The following ZNF407 variants were observed in gnomAD, a reference collection of about 807,000 sequenced individuals.
ZNF407 encodes zinc finger protein 407.
A neutral mutation model predicts 131.2 loss-of-function variants in ZNF407; 17 were observed. The observed-to-expected ratio is 0.13, with a 90% CI of 0.09 to 0.19. The LOEUF (loss-of-function observed/expected upper bound fraction) is 0.19. Ranked by LOEUF, ZNF407 falls within the 10% of genes least tolerant of loss-of-function variation. The pLI, the probability that ZNF407 is intolerant of heterozygous loss-of-function variation, is 1.00. For missense variants in ZNF407, 2,681 were observed against 2,830.6 expected, an observed-to-expected ratio of 0.95 and a Z score of 1.20; for synonymous variants, 1,156 against 1,062.0, an observed-to-expected ratio of 1.09 and a Z score of -1.72.
rs948310174 is a variant in ZNF407, at chr18:74,632,654, C to T, written c.1635C>T (p.Ile545=). The T allele has an allele frequency of 6.8e-6, 11 of 1,613,924 alleles. No individual in the cohort carries two copies. In the South Asian group the frequency reaches 1.2e-4, roughly 18 times the overall value. ...QVATNRTDLE[I]HVKRCHAREM... ...CTACAAATAGGACAGATTTGGAAAT[C>T]CATGTGAAAAGGTGCCATGCCAGAG... The change falls in exon 2 of 9, where the codon ATC becomes ATT. Residue 545 remains isoleucine, a synonymous_variant. Coordinates refer to ENST00000299687, the MANE Select transcript of ZNF407 (RefSeq NM_017757.3).
At chr18:74,911,625 C>T (rs573304489) in intron 7 of ZNF407, among the ~76,000 whole-genome samples, 6 of 152,166 alleles carry the variant, frequency 3.9e-5, no homozygotes, top group Non-Finnish European at 5.9e-5. Context: ...AATTGGCCAC[C>T]GCACTCAATT....
chr18:74,883,833 A>T (rs529197503), intron 6 of ZNF407, among the ~76,000 whole-genome samples: 1 of 152,250 alleles, frequency 6.6e-6, no homozygotes, highest in African/African-American at 2.4e-5. Flanking sequence ...ATTTGAGCCA[A>T]GATTACTGCT....
intron 7 of ZNF407, 39 bp downstream of exon 7, chr18:74,890,077 G>A (rs766153390): frequency 5.5e-6 from 8 of 1,447,194 alleles, no homozygotes; most frequent in South Asian, 3.2e-5. Flanking sequence ...CAGGTGGGCC[G>A]CCATGATGGA....
intron 8 of ZNF407, among the ~76,000 whole-genome samples, chr18:75,047,399 G>C (rs998688135): frequency 1.3e-5 from 2 of 152,198 alleles, no homozygotes; most frequent in African/African-American, 4.8e-5. Flanking sequence ...AGCACCCAGA[G>C]CCAGGGACCC....
rs1471751772 is a variant in ZNF407, at chr18:75,063,089, G to A, written c.5429-61G>A. ...GCCTGAGCGCTTCTGCAGAAGAAGT[G>A]TCTTACTTGTAAGCCTACGAGTACT... On this transcript the variant is annotated intron_variant, in intron 8 of 8. Transcript: ENST00000299687. This position sits in a 1 kb window ranked among gnomAD's most constrained non-coding sequence, Gnocchi z 6.6. 15 of 1,451,704 alleles carry A rather than the reference G, an allele frequency of 1.0e-5. No homozygotes were observed. The highest frequency in any genetic ancestry group is 2.2e-5 in the Admixed American group (1 of 44,708). The allele number at this position is 1,451,704 out of a possible 1,614,324, so 89.9% of individuals were successfully genotyped here.
chr18:74,777,206 T>C (rs530531710), intron 3 of ZNF407, among the ~76,000 whole-genome samples: 2 of 152,298 alleles, frequency 1.3e-5, no homozygotes, highest in Admixed American at 6.5e-5. Context: ...TATTTTGAAA[T>C]ATTGTTAAAA....
intron 3 of ZNF407, among the ~76,000 whole-genome samples, chr18:74,767,754 T>C (rs1230039742): frequency 1.3e-5 from 2 of 148,360 alleles, no homozygotes; most frequent in Non-Finnish European, 3.0e-5. Context: ...CCCGGGTTCA[T>C]GCCATTCTCC....
At chr18:74,882,220 T>C (rs1376479838) in intron 6 of ZNF407, among the ~76,000 whole-genome samples, 1 of 152,230 alleles carries the variant, frequency 6.6e-6, no homozygotes, top group African/African-American at 2.4e-5. Flanking sequence ...GTCTTATGAG[T>C]AATTATTTTC....
chr18:74,833,653 C>G (rs769404613), intron 4 of ZNF407, among the ~76,000 whole-genome samples: 5 of 152,176 alleles, frequency 3.3e-5, no homozygotes, highest in African/African-American at 1.2e-4. Context: ...TCCTGTTGCC[C>G]TTGGCACGGG....
intron 3 of ZNF407, among the ~76,000 whole-genome samples, chr18:74,710,095 T>A (rs1568177342): frequency 1.3e-5 from 2 of 152,230 alleles, no homozygotes; most frequent in African/African-American, 2.4e-5. Flanking sequence ...TTTTAGTGCT[T>A]TGGCATTTCA....
intron 8 of ZNF407, among the ~76,000 whole-genome samples, chr18:75,027,421 T>C (rs925348797): frequency 1.3e-5 from 2 of 152,162 alleles, no homozygotes; most frequent in East Asian, 1.9e-4. Flanking sequence ...TTAGGAGATA[T>C]TGGCTGCGAT....
At chr18:75,023,845 C>T (rs971248309) in intron 8 of ZNF407, among the ~76,000 whole-genome samples, 1 of 152,174 alleles carries the variant, frequency 6.6e-6, no homozygotes, top group African/African-American at 2.4e-5. Flanking sequence ...TCATGTACTA[C>T]TGTTGTAGTT....
At chr18:74,615,606 CA>C (rs1983251954) in intron 1 of ZNF407, among the ~76,000 whole-genome samples, 2 of 152,166 alleles carry the variant, frequency 1.3e-5, no homozygotes, top group African/African-American at 4.8e-5. Flanking sequence ...GCACTGTATC[CA>C]AATCTAAAAG....
intron 3 of ZNF407, among the ~76,000 whole-genome samples, chr18:74,723,559 T>G (rs899394332): frequency 6.6e-6 from 1 of 152,238 alleles, no homozygotes; most frequent in African/African-American, 2.4e-5. Flanking sequence ...TCTCTCTTCC[T>G]TGTTCCTACA....
intron 8 of ZNF407, among the ~76,000 whole-genome samples, chr18:74,962,667 A>G (rs1286268364): frequency 6.6e-6 from 1 of 152,168 alleles, no homozygotes; most frequent in Non-Finnish European, 1.5e-5. Flanking sequence ...GCCTTTGCAC[A>G]CATACAGCAC....
intron 4 of ZNF407, among the ~76,000 whole-genome samples, chr18:74,839,751 G>T (rs1244579117): frequency 2.0e-5 from 3 of 152,116 alleles, no homozygotes; most frequent in Non-Finnish European, 2.9e-5. Context: ...TAAAAACTAT[G>T]TGTGTATGTA....
rs542215945 is a variant in ZNF407, at chr18:74,972,913, T to TA, written c.5428+52223dup. On this transcript the variant is annotated intron_variant, in intron 8 of 8. Coordinates refer to ENST00000299687, the MANE Select transcript of ZNF407 (RefSeq NM_017757.3). ...AATCCTCTTTAACAATCTCTGTTAT[T>TA]AAGTTGGTATGTTTAACCACCTGCC... Among the ~76,000 whole-genome samples the TA allele has an allele frequency of 9.7e-3, 1,475 of 152,352 alleles. 10 individuals are homozygous for TA. Among genetic ancestry groups the TA allele is most frequent in the Non-Finnish European group, 0.015 (1,049 of 68,030 alleles).
intron 2 of ZNF407, among the ~76,000 whole-genome samples, chr18:74,638,205 T>C (rs563179875): frequency 6.6e-6 from 1 of 152,210 alleles, no homozygotes; most frequent in Non-Finnish European, 1.5e-5. Context: ...TGGTAGTGTT[T>C]GTAGCTCAAT....
At chr18:74,652,365 C>T (rs1006736853) in intron 3 of ZNF407, among the ~76,000 whole-genome samples, 8 of 151,864 alleles carry the variant, frequency 5.3e-5, no homozygotes, top group South Asian at 2.1e-4. Context: ...TTTTATTCAT[C>T]GAGCAATTTC....
Sources: allele counts gnomAD v4.1 joint callset (sites outside exome capture counted in the v4.1 genomes callset), GRCh38; gene constraint gnomAD v4.1.1; non-coding constraint Gnocchi (gnomAD v3.1); transcripts MANE v1.5; gene names NCBI Gene and HGNC (gene_info 2026-07-23, HGNC 2026-07-21).